TBCA: variants seen among roughly 807,000 people sequenced by gnomAD.
TBCA encodes the protein tubulin-specific chaperone A.
Under a neutral mutation model 15.8 loss-of-function variants are expected in TBCA, and 6 were observed. The ratio of observed to expected loss-of-function variants is 0.38; its 90% CI spans 0.21 to 0.75. The LOEUF (loss-of-function observed/expected upper bound fraction) is 0.75, where lower values mean the gene tolerates loss of function less well. Among genes scored for constraint, TBCA ranks in the 30% least tolerant of loss-of-function variants. The probability of loss-of-function intolerance (pLI) is 0.46; values close to 1 mark genes in which losing one functional copy is unlikely to be tolerated. For synonymous variants in TBCA, 32 were observed against 42.3 expected (o/e 0.76, Z 0.94); for missense variants, 90 against 131.2 (o/e 0.69, Z 1.53).
At chr5:77,700,048 A>G (rs1049603397) in intron 2 of TBCA, among the ~76,000 whole-genome samples, 4 of 150,062 alleles carry the variant, frequency 2.7e-5, no homozygotes, top group Admixed American at 2.7e-4. Flanking sequence ...AAAAAAAAAA[A>G]AAGAAAATTA....
chr5:77,757,282 C>T (rs1747497612), intron 1 of TBCA, among the ~76,000 whole-genome samples: 1 of 152,006 alleles, frequency 6.6e-6, no homozygotes, highest in African/African-American at 2.4e-5. Flanking sequence ...AACTTTAGCC[C>T]AGAAAAAAAC....
intron 2 of TBCA, among the ~76,000 whole-genome samples, chr5:77,702,561 TC>T (rs1363366085): frequency 9.2e-5 from 14 of 152,190 alleles, no homozygotes; most frequent in African/African-American, 1.9e-4. Flanking sequence ...GGAACAGTTC[TC>T]CATCTTGATT....
intron 1 of TBCA, among the ~76,000 whole-genome samples, chr5:77,746,313 T>A (rs1055566297): frequency 1.3e-5 from 2 of 152,078 alleles, no homozygotes; most frequent in African/African-American, 4.8e-5. Context: ...TGAAGACTTG[T>A]TTTACTTTTT....
chr5:77,732,022 T>C (rs1746783715), intron 1 of TBCA, among the ~76,000 whole-genome samples: 2 of 152,078 alleles, frequency 1.3e-5, no homozygotes, highest in Admixed American at 1.3e-4. Context: ...GAAACTAACA[T>C]CTCTCTGGGA....
chr5:77,700,742 A>G (rs1745992681), intron 2 of TBCA, among the ~76,000 whole-genome samples: 1 of 152,230 alleles, frequency 6.6e-6, no homozygotes, highest in East Asian at 1.9e-4. Flanking sequence ...CTTATGTTCA[A>G]GAGTAGAGAA....
At chr5:77,764,416 A>C (rs903525097) in intron 1 of TBCA, among the ~76,000 whole-genome samples, 1 of 152,198 alleles carries the variant, frequency 6.6e-6, no homozygotes, top group African/African-American at 2.4e-5. Context: ...TCAAGGATTA[A>C]GATTAATTCA....
intron 1 of TBCA, among the ~76,000 whole-genome samples, chr5:77,764,135 TAAAGTAAA>T (rs1013493327): frequency 3.3e-5 from 5 of 152,158 alleles, no homozygotes; most frequent in African/African-American, 1.2e-4. Flanking sequence ...GCCCTTCTTA[TAAAGTAAA>T]AAATAACCAA....
intron 1 of TBCA, among the ~76,000 whole-genome samples, chr5:77,750,490 A>G (rs980624589): frequency 2.0e-5 from 3 of 152,228 alleles, no homozygotes; most frequent in African/African-American, 7.2e-5. Flanking sequence ...CAAGTAAAGC[A>G]AGAATCAGAG....
intron 2 of TBCA, among the ~76,000 whole-genome samples, chr5:77,694,720 T>C (rs1489019973): frequency 2.6e-5 from 4 of 152,212 alleles, no homozygotes; most frequent in Admixed American, 6.5e-5. Flanking sequence ...TATATTTTAA[T>C]AGAAACTTTA....
At chr5:77,691,680 G>GA (rs1458692799) in intron 3 of TBCA, 182 bp from the exon 4 acceptor site, 1 of 1,340,868 alleles carries the variant, frequency 7.5e-7, no homozygotes, top group Non-Finnish European at 9.5e-7. Flanking sequence ...TCTTTACAAG[G>GA]AAAGGAAGAA....
At chr5:77,754,169 C>T (rs1385324533) in intron 1 of TBCA, among the ~76,000 whole-genome samples, 1 of 152,160 alleles carries the variant, frequency 6.6e-6, no homozygotes, top group Non-Finnish European at 1.5e-5. Flanking sequence ...TCTTGAAGAA[C>T]CCAGTCATTT....
intron 1 of TBCA, among the ~76,000 whole-genome samples, chr5:77,751,186 A>T (rs1747327004): frequency 8.7e-6 from 1 of 115,012 alleles, no homozygotes; most frequent in Non-Finnish European, 1.7e-5. Flanking sequence ...TTTTTTTGAG[A>T]CACAGTTTCG....
chr5:77,755,722 G>C (rs1049680536), intron 1 of TBCA, among the ~76,000 whole-genome samples: 3 of 151,252 alleles, frequency 2.0e-5, no homozygotes, highest in African/African-American at 7.3e-5. Flanking sequence ...AACCAAATAG[G>C]GGCCGGGTGC....
At chr5:77,712,074 G>A (rs980623577) in intron 1 of TBCA, among the ~76,000 whole-genome samples, 8 of 152,022 alleles carry the variant, frequency 5.3e-5, no homozygotes, top group African/African-American at 1.9e-4. Flanking sequence ...AAATAATAAA[G>A]GTTCCACTCT....
intron 2 of TBCA, among the ~76,000 whole-genome samples, chr5:77,698,729 A>G (rs965025189): frequency 1.3e-5 from 2 of 152,184 alleles, no homozygotes; most frequent in African/African-American, 2.4e-5. Flanking sequence ...AGCACAAAAA[A>G]CGAAAACTGC....
intron 1 of TBCA, among the ~76,000 whole-genome samples, chr5:77,745,232 T>A (rs776411389): frequency 6.6e-6 from 1 of 152,166 alleles, no homozygotes; most frequent in African/African-American, 2.4e-5. Context: ...AACATTAGTA[T>A]TCAATAAAAC....
At chr5:77,759,028 C>G (rs980070638) in intron 1 of TBCA, among the ~76,000 whole-genome samples, 23 of 152,320 alleles carry the variant, frequency 1.5e-4, no homozygotes, top group African/African-American at 5.5e-4. Context: ...AACTGCCAAA[C>G]CATCACCTGA....
intron 2 of TBCA, among the ~76,000 whole-genome samples, chr5:77,698,790 T>C (rs932240980): frequency 1.3e-5 from 2 of 152,156 alleles, no homozygotes; most frequent in East Asian, 1.9e-4. Flanking sequence ...TAATTATTTA[T>C]AGACCAGTAT....
chr5:77,750,834 A>G (rs1404511143), intron 1 of TBCA, among the ~76,000 whole-genome samples: 2 of 152,208 alleles, frequency 1.3e-5, no homozygotes, highest in East Asian at 3.8e-4. Flanking sequence ...TAGTCAACAC[A>G]TGTAAAATTT....
Sources: allele counts gnomAD v4.1 joint callset (sites outside exome capture counted in the v4.1 genomes callset), GRCh38; gene constraint gnomAD v4.1.1; transcripts MANE v1.5; gene names NCBI Gene and HGNC (gene_info 2026-07-23, HGNC 2026-07-21).